The following MIIP variants were observed in gnomAD, a reference collection of about 807,000 sequenced individuals.
MIIP encodes the protein migration and invasion-inhibitory protein.
In MIIP, 44 loss-of-function variants were observed where a neutral mutation model predicts 44.8. The observed-to-expected ratio is 0.98, with a 90% confidence interval of 0.77 to 1.26. The LOEUF (loss-of-function observed/expected upper bound fraction) is 1.26. Ranked by LOEUF, MIIP falls within the 50% of genes most tolerant of loss-of-function variation. MIIP has a pLI of 0.00. For synonymous variants in MIIP, 225 were observed against 218.3 expected (o/e 1.03, Z -0.27); for missense variants, 496 against 511.7 (o/e 0.97, Z 0.30).
intron 4 of MIIP, among the ~76,000 whole-genome samples, chr1:12,025,997 C>G (rs893263845): frequency 2.6e-5 from 4 of 151,820 alleles, no homozygotes; most frequent in Non-Finnish European, 5.9e-5. Flanking sequence ...TGGCCACAGG[C>G]ATGGCAGGAC....
At chr1:12,026,532 C>T (rs1011730791) in intron 4 of MIIP, among the ~76,000 whole-genome samples, 11 of 152,194 alleles carry the variant, frequency 7.2e-5, no homozygotes, top group Middle Eastern at 3.2e-3. Flanking sequence ...CCTGCTCCAG[C>T]GTGCTCCGCC....
In MIIP at chr1:12,029,026, A is replaced by T; in HGVS notation, c.548-7A>T. ...CCGTCAGCTGCCTGGTGCTTTGCCC[A>T]CACCAGGGTCTCTGGACACCAGCTC... On this transcript the variant is annotated splice_region_variant and splice_polypyrimidine_tract_variant and intron_variant, in intron 4 of 9. Coordinates refer to ENST00000235332, the MANE Select transcript of MIIP (RefSeq NM_021933.4). 6.2e-7 allele frequency: 1 copy of T among 1,609,150 alleles called. No individual in the cohort carries two copies. The highest frequency in any genetic ancestry group is 1.1e-5 in the South Asian group (1 of 90,972).
chr1:12,028,233 G>A (rs1237780955), intron 4 of MIIP, among the ~76,000 whole-genome samples: 1 of 152,124 alleles, frequency 6.6e-6, no homozygotes, highest in African/African-American at 2.4e-5. Flanking sequence ...AACATCCTAA[G>A]TCGAATCATG....
At position 12,031,065 on chromosome 1, in the gene MIIP, A is replaced by G. The variant is rs527613590; in HGVS notation, c.943-201A>G. 39 of 623,210 alleles carry G rather than the reference A, an allele frequency of 6.3e-5. No individual in the cohort carries two copies. The East Asian group carries it at 7.1e-4, about 11-fold the overall frequency. The allele number at this position is 623,210 out of a possible 1,614,324, so 38.6% of individuals were successfully genotyped here. On this transcript the variant is annotated intron_variant, in intron 8 of 9. Coordinates refer to ENST00000235332, the MANE Select transcript of MIIP (RefSeq NM_021933.4). Reference sequence around the variant, plus strand: ...CACCGTCCTATCCTCCTCCCATTTCAGCTCTCAGGGCCCCAGGGATGGCTG... The same window carrying G: ...CACCGTCCTATCCTCCTCCCATTTCGGCTCTCAGGGCCCCAGGGATGGCTG...
At chr1:12,029,584 C>A (rs1274957491) in intron 6 of MIIP, 181 bp from the exon 7 acceptor site, 29 of 869,188 alleles carry the variant, frequency 3.3e-5, no homozygotes, top group Admixed American at 5.8e-5. Flanking sequence ...GGATGTCCCT[C>A]CCCACCCCTT....
rs535400573 is a variant in MIIP at position 12,029,298 on chromosome 1, G to A, written c.715+17G>A. The stretch of plus-strand genomic sequence containing the variant: ...ACCATGAATGTGAGTGCGGGCCCTC[G>A]GCTAGGCCGCTGAGTAGTCCAGCCT... On this transcript the variant is annotated intron_variant, in intron 6 of 9. Coordinates refer to ENST00000235332, the MANE Select transcript of MIIP (RefSeq NM_021933.4). 5 of 1,610,506 alleles carry A rather than the reference G, an allele frequency of 3.1e-6. No homozygotes were observed. Among genetic ancestry groups the A allele is most frequent in the African/African-American group, 2.7e-5 (2 of 74,952 alleles).
At chr1:12,021,875 G>A in intron 2 of MIIP, 35 bp downstream of exon 2, 1 of 1,528,828 alleles carries the variant, frequency 6.5e-7, no homozygotes. Flanking sequence ...AGAGGAAGGG[G>A]CTACCTGACC....
chr1:12,023,057 C>T, intron 4 of MIIP, 140 bp downstream of exon 4: 1 of 522,156 alleles, frequency 1.9e-6, no homozygotes, highest in South Asian at 2.8e-5. Context: ...GGGGAGCACC[C>T]TCTTTTTTTT....
At chr1:12,030,147 A>C in intron 8 of MIIP, 23 bp downstream of exon 8, 3 of 1,606,904 alleles carry the variant, frequency 1.9e-6, no homozygotes, top group Non-Finnish European at 2.6e-6. Context: ...GTGGGGCTGG[A>C]TGGTGATGAG....
At chr1:12,019,990 G>C (rs564711039) in intron 1 of MIIP, among the ~76,000 whole-genome samples, 2 of 152,260 alleles carry the variant, frequency 1.3e-5, no homozygotes, top group Non-Finnish European at 2.9e-5. Context: ...ATACGTGTGT[G>C]GGGGAGGTTC....
intron 9 of MIIP, 43 bp from the exon 10 acceptor site, chr1:12,031,679 C>G: frequency 6.2e-7 from 1 of 1,613,910 alleles, no homozygotes; most frequent in Non-Finnish European, 8.5e-7. Flanking sequence ...ATGACCTGTC[C>G]CTTTCAAGTG....
At chr1:12,028,084 G>A (rs550808178) in intron 4 of MIIP, among the ~76,000 whole-genome samples, 3 of 152,340 alleles carry the variant, frequency 2.0e-5, no homozygotes, top group South Asian at 2.1e-4. Flanking sequence ...GCGCACGCCT[G>A]TAATTCCAGC....
chr1:12,031,077 C>T, intron 8 of MIIP, 189 bp from the exon 9 acceptor site: 1 of 666,012 alleles, frequency 1.5e-6, no homozygotes, highest in Non-Finnish European at 2.6e-6. Context: ...CTCTCAGGGC[C>T]CCAGGGATGG....
intron 6 of MIIP, 74 bp from the exon 7 acceptor site, chr1:12,029,691 C>A: frequency 1.3e-6 from 2 of 1,558,288 alleles, no homozygotes; most frequent in East Asian, 2.3e-5. Context: ...TTGGGGGCCG[C>A]TGAGGGCAGC....
At chr1:12,024,991 AT>A (rs1461821364) in intron 4 of MIIP, among the ~76,000 whole-genome samples, 1 of 132,400 alleles carries the variant, frequency 7.6e-6, no homozygotes, top group Non-Finnish European at 1.6e-5. Context: ...CGGCCTCAAG[AT>A]TTATTCATGT....
chr1:12,029,915 G>A, intron 7 of MIIP, 21 bp downstream of exon 7: 2 of 1,611,816 alleles, frequency 1.2e-6, no homozygotes, highest in Non-Finnish European at 1.7e-6. Flanking sequence ...AGAGTATTGG[G>A]ACACCTTGGG....
At chr1:12,019,900 G>A (rs1366574002) in intron 1 of MIIP, among the ~76,000 whole-genome samples, 2 of 152,246 alleles carry the variant, frequency 1.3e-5, no homozygotes, top group African/African-American at 2.4e-5. Context: ...TAGGGGTGGG[G>A]GCCGGGATCT....
Position 12,029,836 on chromosome 1 carries a change from T to C in MIIP, c.787T>C (p.Cys263Arg), listed in dbSNP as rs1192864789. ...PVDPGTPCRL[C>R]RTPRDQQGPG... is the part of the protein sequence containing the mutation. ...GGATCCCGGTACCCCCTGCCGCCTG[T>C]GCAGGACACCGCGAGACCAGCAGGG... Residue 263 changes from cysteine to arginine, a missense_variant, in exon 7 of 10, where the codon TGC becomes CGC. Transcript: ENST00000235332. 3 of 1,613,426 alleles carry C rather than the reference T, an allele frequency of 1.9e-6. No homozygotes were observed. The highest frequency in any genetic ancestry group is 1.7e-5 in the Admixed American group (1 of 59,950).
chr1:12,031,353 G>C lies in MIIP; in HGVS notation c.1030G>C (p.Ala344Pro), dbSNP rs140706620. ...CCTGGACCTCTGGTCCTCTGTCTCC[G>C]CTGAGGCCCAGCACCAGAAGCTGTC... ...RNLDLWSSVS[A>P]EAQHQKLSGT... The change falls in exon 9 of 10, where the codon GCT (alanine) becomes CCT (proline). Residue 344 changes from alanine (A) to proline (P), a missense_variant. Coordinates refer to ENST00000235332, the MANE Select transcript of MIIP (RefSeq NM_021933.4). 3 of 1,613,820 alleles carry C rather than the reference G, an allele frequency of 1.9e-6. No individual in the cohort carries two copies. The African/African-American group carries it at 4.0e-5, about 22-fold the overall frequency.
Sources: gnomAD v4.1 joint callset for allele counts (sites outside exome capture counted in the v4.1 genomes callset) on GRCh38, gnomAD v4.1.1 for gene constraint, MANE v1.5 for transcripts, NCBI Gene and HGNC (gene_info 2026-07-23, HGNC 2026-07-21) for gene names.